The following ROBO2 variants were observed in gnomAD, a reference collection of about 807,000 sequenced individuals.
The protein encoded by ROBO2 is roundabout homolog 2.
In ROBO2, 53 loss-of-function variants were observed where a neutral mutation model predicts 160.8. The observed-to-expected ratio is 0.33, with a 90% CI of 0.26 to 0.41. ROBO2 has a LOEUF of 0.41. Ranked by LOEUF, ROBO2 falls within the 10% of genes least tolerant of loss-of-function variation. The pLI, the probability that ROBO2 is intolerant of heterozygous loss-of-function variation, is 1.00. For missense variants in ROBO2, 1,577 were observed against 1,722.4 expected (o/e 0.92, Z 1.49); for synonymous variants, 664 against 611.7 (o/e 1.09, Z -1.26).
intron 2 of ROBO2, among the ~76,000 whole-genome samples, chr3:75,974,064 G>T (rs2065069990): frequency 1.3e-5 from 2 of 151,526 alleles, no homozygotes; most frequent in African/African-American, 4.8e-5. Flanking sequence ...ACAGCAATAG[G>T]TAATGGTGAG....
At chr3:76,541,658 A>G (rs2082825955) in intron 2 of ROBO2, among the ~76,000 whole-genome samples, 1 of 152,206 alleles carries the variant, frequency 6.6e-6, no homozygotes. Context: ...GGCACACGTA[A>G]GAGAGGAGGC....
intron 23 of ROBO2, among the ~76,000 whole-genome samples, chr3:77,624,818 G>C (rs1385725207): frequency 6.6e-6 from 1 of 152,080 alleles, no homozygotes; most frequent in East Asian, 1.9e-4. Flanking sequence ...AGATCTAACA[G>C]TTACAGGAGG....
intron 2 of ROBO2, among the ~76,000 whole-genome samples, chr3:76,769,506 T>G (rs2061763549): frequency 6.6e-6 from 1 of 151,550 alleles, no homozygotes; most frequent in Non-Finnish European, 1.5e-5. Flanking sequence ...GTAGATTGTT[T>G]ATTTGTAAAT....
chr3:77,114,275 T>C (rs1000865122), intron 2 of ROBO2, among the ~76,000 whole-genome samples: 2 of 152,108 alleles, frequency 1.3e-5, no homozygotes, highest in African/African-American at 2.4e-5. Context: ...GCTTAGTTCA[T>C]TGGAAAAAAG....
At chr3:77,359,641 A>G (rs1430121951) in intron 2 of ROBO2, among the ~76,000 whole-genome samples, 1 of 152,096 alleles carries the variant, frequency 6.6e-6, no homozygotes, top group Non-Finnish European at 1.5e-5. Flanking sequence ...ACCACTAAGT[A>G]AAAGAAAACA....
At chr3:77,442,997 G>A (rs144694466) in intron 2 of ROBO2, among the ~76,000 whole-genome samples, 1 of 152,286 alleles carries the variant, frequency 6.6e-6, no homozygotes, top group African/African-American at 2.4e-5. Context: ...GGAATATAAT[G>A]TGTCTGAGTG....
chr3:77,049,326 C>A (rs575004765), intron 1 of ROBO2, among the ~76,000 whole-genome samples: 1 of 152,118 alleles, frequency 6.6e-6, no homozygotes, highest in African/African-American at 2.4e-5. Context: ...GCCCCGTCTC[C>A]ACACACACAC....
At position 77,493,294 on chromosome 3, in the gene ROBO2, G is replaced by T; in HGVS notation, c.718G>T (p.Glu240Ter). 6.2e-7 allele frequency: 1 copy of T among 1,613,980 alleles called. No homozygotes were observed. Among genetic ancestry groups the T allele is most frequent in the Non-Finnish European group, 8.5e-7 (1 of 1,179,958 alleles). The stretch of plus-strand genomic sequence containing the variant: ...AATTAACCAGGTGGTACTGGAGGAA[G>T]AAGCTGTAGAATTTCGTTGTCAAGT... The change falls in exon 5 of 26, where the codon GAA becomes TAA. Residue 240 changes from glutamate (E) to a stop codon, truncating the protein, a stop_gained. Coordinates refer to ENST00000461745, the Ensembl canonical transcript of ROBO2. LOFTEE classifies it high-confidence loss of function.
intron 2 of ROBO2, among the ~76,000 whole-genome samples, chr3:77,388,209 G>A (rs954395610): frequency 6.6e-6 from 1 of 151,906 alleles, no homozygotes; most frequent in Non-Finnish European, 1.5e-5. Context: ...TTGTTAAAAT[G>A]TGAAAGGATG....
chr3:77,633,142 C>T (rs992668312), intron 23 of ROBO2: 2 of 152,088 alleles, frequency 1.3e-5, no homozygotes, highest in African/African-American at 4.8e-5. Context: ...GTTCAAATAG[C>T]TTATGATCTT....
intron 2 of ROBO2, among the ~76,000 whole-genome samples, chr3:76,482,781 C>T (rs140908509): frequency 0.02 from 3,006 of 152,194 alleles, 35 homozygotes; most frequent in South Asian, 0.052. Flanking sequence ...TCCATTGCAC[C>T]TGCTTTAATC....
intron 2 of ROBO2, among the ~76,000 whole-genome samples, chr3:77,022,878 C>T (rs1240507981): frequency 6.6e-6 from 1 of 152,132 alleles, no homozygotes; most frequent in African/African-American, 2.4e-5. Flanking sequence ...CGGCCACCAC[C>T]ACCATCCACC....
Position 77,635,731 on chromosome 3 carries a change from G to T in ROBO2, c.3934+688G>T, listed in dbSNP as rs543284033. On this transcript the variant is annotated intron_variant, in intron 24 of 25. Transcript: ENST00000461745. ...GCACAGATTTTTACCCCAGATCAATGGTATGTAGTCAGCTATACCATCTAT... is the reference window on the plus strand; with the variant it reads ...GCACAGATTTTTACCCCAGATCAATTGTATGTAGTCAGCTATACCATCTAT... Among the ~76,000 whole-genome samples the T allele has an allele frequency of 6.2e-4, 95 of 152,234 alleles. 1 individual carries two copies. Among genetic ancestry groups the T allele is most frequent in the Admixed American group, 9.8e-4 (15 of 15,296 alleles).
At position 75,911,921 on chromosome 3, in the gene ROBO2, A is replaced by G. The variant is rs1576107168; in HGVS notation, c.-14+4961A>G. Among the ~76,000 whole-genome samples, 3 of 152,182 alleles carry G rather than the reference A, an allele frequency of 2.0e-5. No homozygotes were observed. The South Asian group carries it at 6.2e-4, about 31-fold the overall frequency. ...TGCTATGAAGAGTGGTTGTTAGTAC[A>G]TTAAAAAGGCTGGATATTTGTTTAC... On this transcript the variant is annotated intron_variant, in intron 1 of 26. Coordinates refer to the ROBO2 transcript ENST00000487694.
intron 2 of ROBO2, among the ~76,000 whole-genome samples, chr3:76,691,393 T>C (rs1475951196): frequency 6.6e-6 from 1 of 151,912 alleles, no homozygotes; most frequent in Non-Finnish European, 1.5e-5. Flanking sequence ...AGTAAGACAG[T>C]GTGAGATTAG....
chr3:76,323,353 A>G (rs2072739671), intron 2 of ROBO2, among the ~76,000 whole-genome samples: 1 of 152,124 alleles, frequency 6.6e-6, no homozygotes, highest in Admixed American at 6.6e-5. Flanking sequence ...CGAATTCATC[A>G]ATCTGTATTT....
At chr3:77,440,283 T>G (rs2079778595) in intron 2 of ROBO2, among the ~76,000 whole-genome samples, 1 of 152,180 alleles carries the variant, frequency 6.6e-6, no homozygotes, top group Non-Finnish European at 1.5e-5. Context: ...GAATCCAGGC[T>G]TTGTCCCTCT....
chr3:76,885,450 A>G (rs916938241), intron 2 of ROBO2, among the ~76,000 whole-genome samples: 1 of 152,218 alleles, frequency 6.6e-6, no homozygotes, highest in Non-Finnish European at 1.5e-5. Flanking sequence ...TCAAATATCA[A>G]GCCGTACAAA....
intron 2 of ROBO2, among the ~76,000 whole-genome samples, chr3:76,581,711 C>T (rs1578304366): frequency 6.6e-6 from 1 of 152,204 alleles, no homozygotes; most frequent in East Asian, 1.9e-4. Context: ...ATACAACTAA[C>T]TCATTGTTTT....
Sources: gnomAD v4.1 joint callset for allele counts (sites outside exome capture counted in the v4.1 genomes callset) on GRCh38, gnomAD v4.1.1 for gene constraint, MANE v1.5 for transcripts, NCBI Gene and HGNC (gene_info 2026-07-23, HGNC 2026-07-21) for gene names.